The following SPAST variants were observed in gnomAD, a reference collection of about 807,000 sequenced individuals.
The protein encoded by SPAST is spastin.
SPAST carries 30 observed loss-of-function variants against 76.6 expected under a neutral mutation model. That is an observed-to-expected ratio of 0.39 (90% CI 0.29 to 0.53). SPAST has a LOEUF of 0.53. SPAST is among the 20% of genes least tolerant of loss of function. SPAST has a pLI of 0.68. For missense variants in SPAST, 717 were observed against 770.5 expected, an observed-to-expected ratio of 0.93 and a Z score of 0.82; for synonymous variants, 305 against 281.0, an observed-to-expected ratio of 1.09 and a Z score of -0.86.
intron 1 of SPAST, among the ~76,000 whole-genome samples, chr2:32,064,866 C>G (rs192271872): frequency 3.9e-5 from 6 of 152,220 alleles, no homozygotes; most frequent in Non-Finnish European, 7.4e-5. Context: ...TTAATTAAAA[C>G]AGTATTCCAA....
intron 4 of SPAST, among the ~76,000 whole-genome samples, 170 bp from the exon 5 acceptor site, chr2:32,114,468 C>T (rs1403265044): frequency 1.3e-5 from 2 of 152,082 alleles, no homozygotes; most frequent in Non-Finnish European, 2.9e-5. Context: ...TTCCTATCTA[C>T]CTAGTGACCA....
intron 4 of SPAST, among the ~76,000 whole-genome samples, chr2:32,110,042 A>G (rs1179670663): frequency 1.3e-5 from 2 of 148,806 alleles, no homozygotes; most frequent in African/African-American, 4.9e-5. Flanking sequence ...TGTATATATA[A>G]ACTATATGTA....
Position 32,136,546 on chromosome 2 carries a change from A to G in SPAST, c.1246-17A>G, listed in dbSNP as rs1250096025. 2 of 1,592,154 alleles carry G rather than the reference A, an allele frequency of 1.3e-6. No homozygotes were observed. Among genetic ancestry groups the G allele is most frequent in the Non-Finnish European group, 1.7e-6 (2 of 1,159,968 alleles). On this transcript the variant is annotated splice_polypyrimidine_tract_variant and intron_variant, in intron 9 of 16. Transcript: ENST00000315285. Reference sequence around the variant, plus strand: ...TGTTGCATTTTATGTGTATAACAGTATAATGCTTTGTTTTAGGTGGGAGAA... The same window carrying G: ...TGTTGCATTTTATGTGTATAACAGTGTAATGCTTTGTTTTAGGTGGGAGAA...
chr2:32,094,610 GC>G (rs1375038055), intron 3 of SPAST, among the ~76,000 whole-genome samples: 1 of 152,190 alleles, frequency 6.6e-6, no homozygotes, highest in Non-Finnish European at 1.5e-5. Context: ...AACACGCAGG[GC>G]TGTAAAGGCC....
intron 4 of SPAST, among the ~76,000 whole-genome samples, chr2:32,108,776 T>TG (rs1678420814): frequency 7.0e-6 from 1 of 143,364 alleles, no homozygotes; most frequent in Non-Finnish European, 1.5e-5. Flanking sequence ...TTTTTTTTTT[T>TG]TTTTTTTGTG....
chr2:32,109,645 A>G (rs1369365961), intron 4 of SPAST, among the ~76,000 whole-genome samples: 1 of 150,296 alleles, frequency 6.7e-6, no homozygotes, highest in East Asian at 1.9e-4. Flanking sequence ...AAGAAGACTT[A>G]ATTCCCTTCT....
intron 9 of SPAST, among the ~76,000 whole-genome samples, chr2:32,134,145 C>T (rs1242946891): frequency 1.3e-5 from 2 of 152,268 alleles, no homozygotes; most frequent in East Asian, 3.9e-4. Flanking sequence ...AAGTGATCCT[C>T]CCACCTTAGC....
chr2:32,089,917 C>T (rs962091411), intron 3 of SPAST, among the ~76,000 whole-genome samples: 1 of 152,122 alleles, frequency 6.6e-6, no homozygotes, highest in African/African-American at 2.4e-5. Context: ...GCACCCGCCA[C>T]CACGCCCCGC....
intron 9 of SPAST, among the ~76,000 whole-genome samples, chr2:32,132,024 AAAC>A (rs1459697921): frequency 6.6e-6 from 1 of 152,192 alleles, no homozygotes; most frequent in African/African-American, 2.4e-5. Flanking sequence ...ATGTTTTCAG[AAAC>A]AACATAGCAT....
At chr2:32,091,648 C>T (rs1245365196) in intron 3 of SPAST, among the ~76,000 whole-genome samples, 27 of 149,474 alleles carry the variant, frequency 1.8e-4, no homozygotes, top group African/African-American at 4.9e-4. Context: ...CTGGCTAACA[C>T]GGTGAAACCC....
In SPAST at chr2:32,126,930, A is replaced by G. The variant is rs1162849075; in HGVS notation, c.1099-18A>G. 2.6e-6 allele frequency: 4 copies of G among 1,555,528 alleles called. No homozygotes were observed. The African/African-American group carries it at 4.1e-5, about 16-fold the overall frequency. On this transcript the variant is annotated intron_variant, in intron 7 of 16. Coordinates refer to ENST00000315285, the MANE Select transcript of SPAST (RefSeq NM_014946.4). ...GTCTCTAGAATCATAGTTGTAAACTAAAGTATATATTTTTTAGTTGTTCAC... is the reference window on the plus strand; with the variant it reads ...GTCTCTAGAATCATAGTTGTAAACTGAAGTATATATTTTTTAGTTGTTCAC...
chr2:32,104,906 T>C (rs1377140002), intron 4 of SPAST, among the ~76,000 whole-genome samples: 3 of 152,234 alleles, frequency 2.0e-5, no homozygotes, highest in Non-Finnish European at 2.9e-5. Context: ...ATTTCAACTT[T>C]GGTGAATCTG....
At chr2:32,091,050 A>T (rs574606644) in intron 3 of SPAST, among the ~76,000 whole-genome samples, 2 of 151,984 alleles carry the variant, frequency 1.3e-5, no homozygotes, top group South Asian at 4.2e-4. Flanking sequence ...TTTTAAATAT[A>T]TATTAATAAG....
rs747703081 is a variant in SPAST, at chr2:32,128,448, A to G, written c.1214A>G (p.Asn405Ser). The G allele has an allele frequency of 2.5e-6, 4 of 1,612,800 alleles. No homozygotes were observed. The highest frequency in any genetic ancestry group is 2.2e-5 in the South Asian group (2 of 91,072). ...VAAESNATFF[N>S]ISAASLTSKY... is the part of the protein sequence containing the mutation. ...GCAGAATCGAATGCAACCTTCTTTA[A>G]TATAAGTGCTGCAAGTTTAACTTCA... Residue 405 changes from asparagine (N) to serine (S), a missense_variant, in exon 9 of 17, where the codon AAT (asparagine) becomes AGT (serine). This residue lies in a region of SPAST where 78 missense variants were observed against 197.6 expected (regional missense o/e 0.39). Transcript: ENST00000315285.
intron 7 of SPAST, among the ~76,000 whole-genome samples, chr2:32,124,248 T>A (rs1679118004): frequency 6.6e-6 from 1 of 152,158 alleles, no homozygotes; most frequent in Non-Finnish European, 1.5e-5. Context: ...GATAGATAGA[T>A]GACAACAAGC....
rs556400531 is a variant in SPAST, at chr2:32,154,357, G to A, written c.1729-17G>A. 6.2e-7 allele frequency: 1 copy of A among 1,608,346 alleles called. No homozygotes were observed. Among genetic ancestry groups the A allele is most frequent in the Admixed American group, 1.7e-5 (1 of 59,998 alleles). On this transcript the variant is annotated splice_polypyrimidine_tract_variant and intron_variant, in intron 16 of 16. Transcript: ENST00000315285. ...CTGTTGATCATTTGTATTGTCATGT[G>A]CTTTTTAAAAATCTAGATGAGAAAT...
At chr2:32,099,235 A>G (rs939006941) in intron 4 of SPAST, among the ~76,000 whole-genome samples, 3 of 152,158 alleles carry the variant, frequency 2.0e-5, no homozygotes, top group African/African-American at 7.2e-5. Flanking sequence ...TTTTCATGAA[A>G]TAGTGTTTTC....
At chr2:32,123,483 G>A in intron 7 of SPAST, among the ~76,000 whole-genome samples, 1 of 152,104 alleles carries the variant, frequency 6.6e-6, no homozygotes, top group East Asian at 1.9e-4. Context: ...ATTCAGTGCA[G>A]TCCCAGTCAA....
chr2:32,077,281 G>T (rs560980007), intron 1 of SPAST, among the ~76,000 whole-genome samples: 2 of 152,192 alleles, frequency 1.3e-5, no homozygotes, highest in East Asian at 1.9e-4. Flanking sequence ...AATGGTTTGT[G>T]TGAGAATACT....
Sources: allele counts gnomAD v4.1 joint callset (sites outside exome capture counted in the v4.1 genomes callset), GRCh38; gene constraint gnomAD v4.1.1; regional missense constraint gnomAD v4.1.1; transcripts MANE v1.5; gene names NCBI Gene and HGNC (gene_info 2026-07-23, HGNC 2026-07-21).